POLR2F: variants seen among roughly 807,000 people sequenced by gnomAD.
POLR2F encodes the protein RNA polymerase II, I and III subunit F.
POLR2F carries 12 observed loss-of-function variants against 22.7 expected under a neutral mutation model. The ratio of observed to expected loss-of-function variants is 0.53; its 90% confidence interval spans 0.34 to 0.86. The LOEUF is 0.86. Among genes scored for constraint, POLR2F ranks in the 40% least tolerant of loss-of-function variants. The pLI, the probability that POLR2F is intolerant of heterozygous loss-of-function variation, is 0.02. For missense variants in POLR2F, 126 were observed against 171.5 expected (o/e 0.73, Z 1.48); for synonymous variants, 57 against 66.0 (o/e 0.86, Z 0.66).
downstream of POLR2F, chr22:38,041,295 G>C (rs921575346): frequency 1.0e-5 from 8 of 777,768 alleles, no homozygotes; most frequent in Non-Finnish European, 1.6e-5. Flanking sequence ...TCAGTTTCTG[G>C]CCCAGGTGAC....
chr22:38,032,572 C>T (rs1013230020), intron 5 of POLR2F: 7 of 152,322 alleles, frequency 4.6e-5, no homozygotes, highest in African/African-American at 1.7e-4. Context: ...ATTCCTTAGG[C>T]CCAACACTGG....
At chr22:37,985,646 A>G (rs1203516433), upstream of POLR2F, among the ~76,000 whole-genome samples, 1 of 152,124 alleles carries the variant, frequency 6.6e-6, no homozygotes, top group East Asian at 1.9e-4. Context: ...CAGCAGGGCA[A>G]AGCCCCAAGA....
chr22:37,967,720 G>A lies in POLR2F; in HGVS notation c.*5G>A. ...GAGCTCATCATCACCGACTGAGCTG[G>A]AGTCATCTTCCTGCCCTTGCCCCAT... On this transcript the variant is annotated 3_prime_UTR_variant, in exon 5 of 5. Coordinates refer to ENST00000442738, the MANE Select transcript of POLR2F (RefSeq NM_021974.5). 1 of 1,611,606 alleles carries A rather than the reference G, an allele frequency of 6.2e-7. No individual in the cohort carries two copies. The highest frequency in any genetic ancestry group is 8.5e-7 in the Non-Finnish European group (1 of 1,179,144).
upstream of POLR2F, chr22:37,983,304 T>C (rs112862172): frequency 2.7e-5 from 42 of 1,560,558 alleles, no homozygotes; most frequent in African/African-American, 2.7e-4. The surrounding 1 kb of genome is among the most constrained non-coding windows in gnomAD (Gnocchi z 9.5). Context: ...TCGGCTACCC[T>C]GAATCCACCC....
chr22:37,976,661 C>A (rs1448079284), intron 4 of POLR2F, among the ~76,000 whole-genome samples: 2 of 152,174 alleles, frequency 1.3e-5, no homozygotes, highest in African/African-American at 4.8e-5. Context: ...TGTTTCTCAT[C>A]AGTAAAATGA....
At chr22:37,977,645 CTT>C (rs1454408005) in intron 4 of POLR2F, among the ~76,000 whole-genome samples, 1 of 152,090 alleles carries the variant, frequency 6.6e-6, no homozygotes, top group Non-Finnish European at 1.5e-5. Flanking sequence ...AACTGGCCCT[CTT>C]TGCCCAGTAG....
chr22:38,018,092 G>A (rs2084929771), intron 1 of POLR2F, among the ~76,000 whole-genome samples: 1 of 152,230 alleles, frequency 6.6e-6, no homozygotes, highest in Non-Finnish European at 1.5e-5. Context: ...AGAGTTTGCT[G>A]AGAGGATTGG....
chr22:37,998,227 T>C (rs1046824831), intron 1 of POLR2F, among the ~76,000 whole-genome samples: 1 of 152,174 alleles, frequency 6.6e-6, no homozygotes, highest in African/African-American at 2.4e-5. Flanking sequence ...GAGCAATTTA[T>C]CCTGTGATCA....
At chr22:38,023,877 C>T (rs111361394) in intron 1 of POLR2F, among the ~76,000 whole-genome samples, 3,588 of 135,852 alleles carry the variant, frequency 0.026, 148 homozygotes, top group African/African-American at 0.094. Flanking sequence ...ATTCTCACTG[C>T]GTTGCCCAGG....
At chr22:37,964,717 A>C (rs1207778044) in intron 3 of POLR2F, among the ~76,000 whole-genome samples, 1 of 151,908 alleles carries the variant, frequency 6.6e-6, no homozygotes, top group Non-Finnish European at 1.5e-5. Context: ...GATTACAGGC[A>C]CACGCCACCA....
chr22:37,981,830 C>A (rs867993038), upstream of POLR2F, among the ~76,000 whole-genome samples: 1 of 152,216 alleles, frequency 6.6e-6, no homozygotes, highest in African/African-American at 2.4e-5. Context: ...GTCCACACAG[C>A]GGGCTGGTCG....
chr22:38,030,145 G>C (rs952289108), downstream of POLR2F, among the ~76,000 whole-genome samples: 1 of 152,196 alleles, frequency 6.6e-6, no homozygotes, highest in East Asian at 1.9e-4. Context: ...AAAACCCAGG[G>C]GAGGAGTCTG....
chr22:37,987,073 T>TC (rs1429027386), intron 1 of POLR2F: 1 of 456,600 alleles, frequency 2.2e-6, no homozygotes, highest in East Asian at 7.0e-5. Context: ...CCCCATCACC[T>TC]CTCTGTCCTG....
Position 37,968,415 on chromosome 22 carries a change from T to C in POLR2F, c.*700T>C, listed in dbSNP as rs1931943148. On this transcript the variant is annotated 3_prime_UTR_variant, in exon 5 of 5. Coordinates refer to ENST00000442738, the MANE Select transcript of POLR2F (RefSeq NM_021974.5). ...CTCTTTGGTGTGCCACACCCATGCC[T>C]TCTTCCTAGCCTCTATAAGATATCC... 1.0e-6 allele frequency: 1 copy of C among 985,894 alleles called. No individual in the cohort carries two copies. Among genetic ancestry groups the C allele is most frequent in the Non-Finnish European group, 1.2e-6 (1 of 830,208 alleles). The allele number at this position is 985,894 out of a possible 1,614,324, so 61.1% of individuals were successfully genotyped here.
chr22:38,013,254 T>C (rs1180922308), intron 1 of POLR2F, among the ~76,000 whole-genome samples: 1 of 152,258 alleles, frequency 6.6e-6, no homozygotes, highest in East Asian at 1.9e-4. Context: ...CAAGTGATTC[T>C]ACTGCCTCAG....
chr22:38,021,755 C>T (rs566811453), intron 1 of POLR2F, among the ~76,000 whole-genome samples: 1 of 152,140 alleles, frequency 6.6e-6, no homozygotes, highest in Admixed American at 6.6e-5. Flanking sequence ...CTGCACCTGG[C>T]CAACCTTGTT....
rs1009575913 is a variant in POLR2F, at chr22:37,974,991, C to A, written c.293+7821C>A. On this transcript the variant is annotated intron_variant, in intron 4 of 4. Coordinates refer to the POLR2F transcript ENST00000405557. This position sits in a 1 kb window ranked among gnomAD's most constrained non-coding sequence, Gnocchi z 5.4. ...AACCCTTCCCTCCTCCTGAGCCCAC[C>A]CTGCTTCCCAGCCCACTGGCAAGCC... 6.6e-6 allele frequency among the ~76,000 whole-genome samples: 1 copy of A among 152,202 alleles called. No homozygotes were observed. Among genetic ancestry groups the A allele is most frequent in the Non-Finnish European group, 1.5e-5 (1 of 68,048 alleles).
rs1441860123 is a variant in POLR2F at position 37,968,188 on chromosome 22, T to C, written c.*473T>C. ...CTAAGGACCTGCTTCGAGCCTCTTA[T>C]CGTGGGCTCGGATCCCCTTTCAGGA... is the stretch of plus-strand genomic sequence containing the variant. On this transcript the variant is annotated 3_prime_UTR_variant, in exon 5 of 5. Transcript: ENST00000442738. The C allele has an allele frequency of 5.9e-5, 58 of 985,428 alleles. No homozygotes were observed. The highest frequency in any genetic ancestry group is 6.9e-5 in the Non-Finnish European group (57 of 830,030). The allele number at this position is 985,428 out of a possible 1,614,324, so 61.0% of individuals were successfully genotyped here. A position where few individuals can be genotyped will look rare whatever the true frequency, so the allele number is the denominator to read the frequency against.
At position 38,007,417 on chromosome 22, in the gene POLR2F, C is replaced by T. The variant is rs3026664; in HGVS notation, c.121-18452C>T. Among the ~76,000 whole-genome samples, 1,493 of 152,174 alleles carry T rather than the reference C, an allele frequency of 9.8e-3. 28 individuals are homozygous for T. The highest frequency in any genetic ancestry group is 0.035 in the African/African-American group (1,447 of 41,516). ...CAGAAGGGGGACTTAGCAGCAGAGA[C>T]CCATGTCAGGGGGCAAGGTTCCAGA... On this transcript the variant is annotated intron_variant, in intron 1 of 2. Coordinates refer to the POLR2F transcript ENST00000333418.
Sources: allele counts gnomAD v4.1 joint callset (sites outside exome capture counted in the v4.1 genomes callset), GRCh38; gene constraint gnomAD v4.1.1; non-coding constraint Gnocchi (gnomAD v3.1); transcripts MANE v1.5; gene names NCBI Gene and HGNC (gene_info 2026-07-23, HGNC 2026-07-21).